Variants in MBOAT1 observed in about 807,000 individuals in gnomAD.
MBOAT1 encodes the protein membrane bound glycerophospholipid O-acyltransferase 1.
A neutral mutation model predicts 64.4 loss-of-function variants in MBOAT1; 67 were observed. The ratio of observed to expected loss-of-function variants is 1.04; its 90% CI spans 0.85 to 1.27. The LOEUF (loss-of-function observed/expected upper bound fraction) is 1.27, where lower values mean the gene tolerates loss of function less well. Among genes scored for constraint, MBOAT1 ranks in the 50% most tolerant of loss-of-function variants. MBOAT1 has a pLI of 0.00. For synonymous variants in MBOAT1, 229 were observed against 218.9 expected (o/e 1.05, Z -0.41); for missense variants, 563 against 604.6 (o/e 0.93, Z 0.72).
intron 4 of MBOAT1, among the ~76,000 whole-genome samples, chr6:20,138,899 G>C (rs866462354): frequency 1.1e-4 from 17 of 152,324 alleles, no homozygotes; most frequent in Middle Eastern, 3.4e-3. Context: ...CGCTGAGAGA[G>C]AATCTGTTCC....
intron 1 of MBOAT1, among the ~76,000 whole-genome samples, chr6:20,208,114 A>G (rs1763313194): frequency 6.6e-6 from 1 of 152,198 alleles, no homozygotes; most frequent in Non-Finnish European, 1.5e-5. Flanking sequence ...AGCATGGCCA[A>G]GGGAAGCAAC....
chr6:20,134,060 G>A (rs1180219480), intron 4 of MBOAT1, among the ~76,000 whole-genome samples: 1 of 152,188 alleles, frequency 6.6e-6, no homozygotes, highest in African/African-American at 2.4e-5. Flanking sequence ...TCTTAGAACT[G>A]CACTCCAATC....
chr6:20,145,115 G>A (rs73384422), intron 3 of MBOAT1, among the ~76,000 whole-genome samples: 3,653 of 152,278 alleles, frequency 0.024, 148 homozygotes, highest in African/African-American at 0.083. Context: ...AAATTCCTAT[G>A]TTTAAATGCT....
rs994036358 is a variant in MBOAT1, at chr6:20,109,853, A to C, written c.1210-104T>G. 5 of 1,141,402 alleles carry C rather than the reference A, an allele frequency of 4.4e-6. No homozygotes were observed. In the African/African-American group the frequency reaches 6.3e-5, roughly 14 times the overall value. The allele number at this position is 1,141,402 out of a possible 1,614,324, so 70.7% of individuals were successfully genotyped here. A position where few individuals can be genotyped will look rare whatever the true frequency, so the allele number is the denominator to read the frequency against. On this transcript the variant is annotated intron_variant, in intron 11 of 12. Transcript: ENST00000324607. ...TATGCCACAGGAACATGGGCTACAG[A>C]AGATAACCAACATCTGAGTTGTATT...
chr6:20,190,681 C>T (rs1048208729), intron 1 of MBOAT1, among the ~76,000 whole-genome samples: 1 of 151,618 alleles, frequency 6.6e-6, no homozygotes, highest in Non-Finnish European at 1.5e-5. Flanking sequence ...TCTTTAAGTG[C>T]CCACTGAGAA....
At chr6:20,155,621 G>A (rs1403778882) in intron 1 of MBOAT1, among the ~76,000 whole-genome samples, 1 of 152,196 alleles carries the variant, frequency 6.6e-6, no homozygotes, top group African/African-American at 2.4e-5. Context: ...AATAGGCTGA[G>A]TTGGTTCCAG....
At chr6:20,176,499 C>T (rs970002821) in intron 1 of MBOAT1, among the ~76,000 whole-genome samples, 1 of 152,128 alleles carries the variant, frequency 6.6e-6, no homozygotes, top group African/African-American at 2.4e-5. Flanking sequence ...ATATGCCCTA[C>T]CTCATCAAGT....
chr6:20,179,744 C>A (rs1284789412), intron 1 of MBOAT1, among the ~76,000 whole-genome samples: 1 of 152,220 alleles, frequency 6.6e-6, no homozygotes, highest in Non-Finnish European at 1.5e-5. Context: ...ACACTATCTT[C>A]CACAATGGTT....
chr6:20,174,539 T>C (rs1032345908), intron 1 of MBOAT1, among the ~76,000 whole-genome samples: 7 of 152,228 alleles, frequency 4.6e-5, no homozygotes, highest in African/African-American at 1.7e-4. Flanking sequence ...CTTGTAGGAC[T>C]GGAAGTTGCT....
At chr6:20,172,980 T>C (rs1040614695) in intron 1 of MBOAT1, among the ~76,000 whole-genome samples, 1 of 152,138 alleles carries the variant, frequency 6.6e-6, no homozygotes, top group African/African-American at 2.4e-5. Flanking sequence ...CTTGGTGCTG[T>C]TCTCGTGATA....
At chr6:20,175,622 C>T (rs1762321212) in intron 1 of MBOAT1, among the ~76,000 whole-genome samples, 1 of 148,674 alleles carries the variant, frequency 6.7e-6, no homozygotes, top group Non-Finnish European at 1.5e-5. Context: ...ATTTTTTGTT[C>T]TTTCTTTCTT....
intron 3 of MBOAT1, among the ~76,000 whole-genome samples, chr6:20,147,612 C>T (rs1279886657): frequency 6.6e-6 from 1 of 150,506 alleles, no homozygotes; most frequent in Non-Finnish European, 1.5e-5. Context: ...GCACTCCAGA[C>T]TGGGCAACGA....
intron 11 of MBOAT1, 123 bp from the exon 12 acceptor site, chr6:20,109,872 T>C: frequency 4.2e-6 from 4 of 943,976 alleles, no homozygotes; most frequent in Non-Finnish European, 5.9e-6. Context: ...AACATCTGAG[T>C]TGTATTTTCG....
At chr6:20,173,222 T>G (rs1415881544) in intron 1 of MBOAT1, among the ~76,000 whole-genome samples, 1 of 152,226 alleles carries the variant, frequency 6.6e-6, no homozygotes, top group Non-Finnish European at 1.5e-5. Flanking sequence ...TCTCAGGTAT[T>G]GCTTTATAGC....
intron 10 of MBOAT1, among the ~76,000 whole-genome samples, chr6:20,114,408 TA>T (rs1297755193): frequency 6.6e-6 from 1 of 152,140 alleles, no homozygotes; most frequent in African/African-American, 2.4e-5. Context: ...AACAAAAGCA[TA>T]GGGAAATAGC....
At chr6:20,164,291 G>C (rs1188670688) in intron 1 of MBOAT1, among the ~76,000 whole-genome samples, 1 of 151,686 alleles carries the variant, frequency 6.6e-6, no homozygotes, top group Non-Finnish European at 1.5e-5. Context: ...CTTTCAGTCT[G>C]GTTCCATCAT....
At chr6:20,188,920 T>C (rs1367930927) in intron 1 of MBOAT1, among the ~76,000 whole-genome samples, 1 of 152,204 alleles carries the variant, frequency 6.6e-6, no homozygotes, top group East Asian at 1.9e-4. Context: ...GGACCCATCC[T>C]AAATGCATGC....
At chr6:20,197,059 T>G (rs1024652564) in intron 1 of MBOAT1, among the ~76,000 whole-genome samples, 1 of 152,206 alleles carries the variant, frequency 6.6e-6, no homozygotes, top group Admixed American at 6.5e-5. Flanking sequence ...TTATGTAAGA[T>G]GATAACACTG....
intron 1 of MBOAT1, among the ~76,000 whole-genome samples, chr6:20,190,200 G>A (rs184773658): frequency 1.9e-4 from 29 of 152,128 alleles, no homozygotes; most frequent in East Asian, 7.7e-4. Context: ...CCACTATGTT[G>A]GCCAGGCTGG....
Sources: allele counts gnomAD v4.1 joint callset (sites outside exome capture counted in the v4.1 genomes callset), GRCh38; gene constraint gnomAD v4.1.1; transcripts MANE v1.5; gene names NCBI Gene and HGNC (gene_info 2026-07-23, HGNC 2026-07-21).